Variants in RBMS1 observed in about 807,000 individuals in gnomAD.
The protein encoded by RBMS1 is RNA binding motif single stranded interacting protein 1.
RBMS1 carries 17 observed loss-of-function variants against 62.3 expected under a neutral mutation model. The ratio of observed to expected loss-of-function variants is 0.27; its 90% CI spans 0.19 to 0.41. RBMS1 has a LOEUF of 0.41. Ranked by LOEUF, RBMS1 falls within the 10% of genes least tolerant of loss-of-function variation. The pLI is 1.00. For synonymous variants in RBMS1, 172 were observed against 170.0 expected, an observed-to-expected ratio of 1.01 and a Z score of -0.09; for missense variants, 334 against 504.5, an observed-to-expected ratio of 0.66 and a Z score of 3.24.
chr2:160,460,083 G>A (rs1684400283), intron 1 of RBMS1, among the ~76,000 whole-genome samples: 1 of 152,178 alleles, frequency 6.6e-6, no homozygotes. Flanking sequence ...GATGCTCCCT[G>A]AAGCAGGTGA....
At chr2:160,405,162 T>TAC (rs1695633853) in intron 1 of RBMS1, among the ~76,000 whole-genome samples, 1 of 152,206 alleles carries the variant, frequency 6.6e-6, no homozygotes, top group Non-Finnish European at 1.5e-5. Flanking sequence ...TCAATGAAAG[T>TAC]TAGCTACTAC....
chr2:160,326,876 A>G lies in RBMS1; in HGVS notation c.252-8649T>C, dbSNP rs1690961779. On this transcript the variant is annotated intron_variant, in intron 2 of 13. Transcript: ENST00000348849. ...AAAAATAATCCATGGTATCTGTGCA[A>G]TGGAAAGCCAGTGGCTTGTCTCTGT... Among the ~76,000 whole-genome samples the G allele has an allele frequency of 3.9e-5, 6 of 152,342 alleles. No homozygotes were observed. The South Asian group carries it at 1.2e-3, about 32-fold the overall frequency.
rs377306100 is a variant in RBMS1, at chr2:160,326,489, G to A, written c.252-8262C>T. On this transcript the variant is annotated intron_variant, in intron 2 of 13. Transcript: ENST00000348849. Reference sequence around the variant, plus strand: ...TCTGTAGGACAATAAAGAATCTAATGCAAACCTATGTAGTGAGTTATGGAA... The same window carrying A: ...TCTGTAGGACAATAAAGAATCTAATACAAACCTATGTAGTGAGTTATGGAA... Among the ~76,000 whole-genome samples, 71 of 152,278 alleles carry A rather than the reference G, an allele frequency of 4.7e-4. No homozygotes were observed. The South Asian group carries it at 0.013, about 27-fold the overall frequency.
chr2:160,303,210 C>T, intron 5 of RBMS1, 120 bp downstream of exon 5: 1 of 999,906 alleles, frequency 1.0e-6, no homozygotes. Flanking sequence ...TTTAAGTTCA[C>T]AGTGCAACTG....
intron 2 of RBMS1, among the ~76,000 whole-genome samples, chr2:160,362,063 T>C (rs528157721): frequency 2.0e-4 from 31 of 152,334 alleles, no homozygotes; most frequent in Admixed American, 1.6e-3. Context: ...TAGCATGCAA[T>C]GCTGTTTCAT....
intron 1 of RBMS1, chr2:160,407,621 C>A: frequency 2.0e-6 from 2 of 982,220 alleles, no homozygotes; most frequent in Non-Finnish European, 2.4e-6. Flanking sequence ...GGTGGCCGGC[C>A]GGGCCCGGGG....
chr2:160,446,949 G>C (rs902680985), intron 1 of RBMS1, among the ~76,000 whole-genome samples: 2 of 152,198 alleles, frequency 1.3e-5, no homozygotes, highest in Admixed American at 1.3e-4. Flanking sequence ...GCCACCTCAT[G>C]TTGTTCTCCA....
chr2:160,322,405 GA>G (rs1690609976), intron 2 of RBMS1, among the ~76,000 whole-genome samples: 1 of 152,158 alleles, frequency 6.6e-6, no homozygotes, highest in Non-Finnish European at 1.5e-5. Context: ...TTAAACATAA[GA>G]AATAAACACG....
chr2:160,381,358 T>C (rs1309076959), intron 1 of RBMS1, among the ~76,000 whole-genome samples: 2 of 152,188 alleles, frequency 1.3e-5, no homozygotes, highest in Non-Finnish European at 2.9e-5. Context: ...AAAAATAGTT[T>C]AATAAGCAAA....
chr2:160,486,757 A>AT (rs1685616839), intron 1 of RBMS1, among the ~76,000 whole-genome samples: 2 of 152,248 alleles, frequency 1.3e-5, no homozygotes, highest in Non-Finnish European at 2.9e-5. Flanking sequence ...TTCTGAAGAA[A>AT]TGCCAGCCCA....
intron 2 of RBMS1, among the ~76,000 whole-genome samples, chr2:160,360,159 T>A (rs535288113): frequency 6.6e-6 from 1 of 152,110 alleles, no homozygotes; most frequent in Non-Finnish European, 1.5e-5. Flanking sequence ...TGGGCCCTAT[T>A]TGTAGATAAC....
intron 2 of RBMS1, among the ~76,000 whole-genome samples, chr2:160,338,544 A>T (rs1374259282): frequency 6.6e-6 from 1 of 152,158 alleles, no homozygotes; most frequent in Non-Finnish European, 1.5e-5. Flanking sequence ...TCCCCAACCA[A>T]ATCTGGTATT....
intron 1 of RBMS1, among the ~76,000 whole-genome samples, chr2:160,383,457 G>C (rs373067955): frequency 3.3e-5 from 5 of 150,676 alleles, no homozygotes; most frequent in African/African-American, 1.2e-4. Flanking sequence ...ATGAATTGGG[G>C]GGGGGGGAAC....
chr2:160,311,549 A>G (rs911177111), intron 4 of RBMS1, among the ~76,000 whole-genome samples: 4 of 152,082 alleles, frequency 2.6e-5, no homozygotes, highest in African/African-American at 9.7e-5. Flanking sequence ...CTCAGGGAAC[A>G]ATTACGTGCT....
intron 3 of RBMS1, among the ~76,000 whole-genome samples, chr2:160,315,933 A>G (rs1488599945): frequency 2.0e-5 from 3 of 152,198 alleles, no homozygotes; most frequent in South Asian, 2.1e-4. Context: ...TTCCAAAAAT[A>G]TGTTTTGTGG....
intron 1 of RBMS1, among the ~76,000 whole-genome samples, chr2:160,419,858 T>C (rs1219989524): frequency 6.6e-6 from 1 of 152,224 alleles, no homozygotes; most frequent in Non-Finnish European, 1.5e-5. Flanking sequence ...ACAGTCTGGA[T>C]AGTACAAAGG....
chr2:160,373,584 T>C (rs1482442955), intron 1 of RBMS1, among the ~76,000 whole-genome samples: 2 of 152,204 alleles, frequency 1.3e-5, no homozygotes, highest in Non-Finnish European at 2.9e-5. Context: ...ACAAGAGTTT[T>C]TGTGCAATTT....
At chr2:160,478,739 T>A (rs1179199834) in intron 1 of RBMS1, among the ~76,000 whole-genome samples, 1 of 152,228 alleles carries the variant, frequency 6.6e-6, no homozygotes, top group East Asian at 1.9e-4. Context: ...GTGGACTTAA[T>A]GAGTATATGA....
intron 1 of RBMS1, among the ~76,000 whole-genome samples, chr2:160,377,724 G>C (rs574981762): frequency 1.3e-5 from 2 of 152,358 alleles, no homozygotes; most frequent in South Asian, 4.1e-4. Context: ...AGGGGAAGCA[G>C]AGGTGGGGAC....
Sources: gnomAD v4.1 joint callset for allele counts (sites outside exome capture counted in the v4.1 genomes callset) on GRCh38, gnomAD v4.1.1 for gene constraint, MANE v1.5 for transcripts, NCBI Gene and HGNC (gene_info 2026-07-23, HGNC 2026-07-21) for gene names.